EPB41L1: variants seen among roughly 807,000 people sequenced by gnomAD.
EPB41L1 encodes the protein band 4.1-like protein 1.
Under a neutral mutation model 97.8 loss-of-function variants are expected in EPB41L1, and 29 were observed. The observed-to-expected ratio is 0.30, with a 90% CI of 0.22 to 0.40. The LOEUF is 0.40. Ranked by LOEUF, EPB41L1 falls within the 10% of genes least tolerant of loss-of-function variation. The probability of loss-of-function intolerance (pLI) is 1.00; values close to 1 mark genes in which losing one functional copy is unlikely to be tolerated. For missense variants in EPB41L1, 812 were observed against 1,162.3 expected, an observed-to-expected ratio of 0.70 and a Z score of 4.38; for synonymous variants, 383 against 459.2, an observed-to-expected ratio of 0.83 and a Z score of 2.12.
At chr20:36,106,172 G>A (rs6060798) in intron 1 of EPB41L1, among the ~76,000 whole-genome samples, 7 of 152,210 alleles carry the variant, frequency 4.6e-5, no homozygotes, top group African/African-American at 1.7e-4. Context: ...GGGGAACTAA[G>A]GATGGTGCCA....
chr20:36,184,805 C>T (rs545651204), intron 6 of EPB41L1, among the ~76,000 whole-genome samples: 23 of 152,266 alleles, frequency 1.5e-4, no homozygotes, highest in South Asian at 1.2e-3. Flanking sequence ...TAAAACTATA[C>T]GACATTTTGT....
chr20:36,216,083 A>C (rs1053063382), intron 17 of EPB41L1, among the ~76,000 whole-genome samples: 2 of 152,168 alleles, frequency 1.3e-5, no homozygotes, highest in Non-Finnish European at 2.9e-5. Flanking sequence ...GGCGCATAAT[A>C]AGTGGCCTGA....
chr20:36,169,533 G>A (rs1255781986), intron 1 of EPB41L1, among the ~76,000 whole-genome samples: 1 of 152,132 alleles, frequency 6.6e-6, no homozygotes, highest in Non-Finnish European at 1.5e-5. Flanking sequence ...CTCCTCCCAA[G>A]CTCCAACCAG....
At chr20:36,228,863 T>C (rs1473839239) in intron 21 of EPB41L1, among the ~76,000 whole-genome samples, 2 of 151,634 alleles carry the variant, frequency 1.3e-5, no homozygotes, top group African/African-American at 4.8e-5. Context: ...GCTGACAAGA[T>C]AGGAAGAAAA....
intron 1 of EPB41L1, among the ~76,000 whole-genome samples, chr20:36,101,930 G>C (rs897753975): frequency 2.0e-5 from 3 of 151,988 alleles, no homozygotes; most frequent in African/African-American, 7.3e-5. Context: ...GCTTGAACCT[G>C]GGAGGCGGAG....
intron 1 of EPB41L1, among the ~76,000 whole-genome samples, chr20:36,103,998 C>A (rs991806721): frequency 6.6e-6 from 1 of 152,168 alleles, no homozygotes; most frequent in African/African-American, 2.4e-5. Context: ...GCCACCGCCC[C>A]GGCATTATTA....
chr20:36,154,423 CA>C (rs973946794), upstream of EPB41L1, among the ~76,000 whole-genome samples: 111 of 152,064 alleles, frequency 7.3e-4, 1 homozygote, highest in African/African-American at 2.5e-3. The surrounding 1 kb of genome is among the most constrained non-coding windows in gnomAD (Gnocchi z 5.5). Context: ...AGAGGCCCCC[CA>C]GCTGCACAGT....
rs1376281198 is a variant in EPB41L1 at position 36,154,843 on chromosome 20, C to G, written c.-68C>G. ...CCCCGCGGCCTGCCTGCCAGAGGAG[C>G]CGAGGGGGCCGCCCCTCGCCCAACC... On this transcript the variant is annotated 5_prime_UTR_variant, in exon 1 of 22. Coordinates refer to ENST00000338074, the MANE Select transcript of EPB41L1 (RefSeq NM_012156.2). The surrounding 1 kb of genome is among the most constrained non-coding windows in gnomAD (Gnocchi z 5.5). 5.9e-5 allele frequency: 59 copies of G among 1,000,514 alleles called. No homozygotes were observed. Among genetic ancestry groups the G allele is most frequent in the Non-Finnish European group, 7.0e-5 (59 of 839,368 alleles). The allele number at this position is 1,000,514 out of a possible 1,614,324, so 62.0% of individuals were successfully genotyped here. A position where few individuals can be genotyped will look rare whatever the true frequency, so the allele number is the denominator to read the frequency against.
At chr20:36,155,690 G>A in intron 1 of EPB41L1, 2 of 453,678 alleles carry the variant, frequency 4.4e-6, no homozygotes, top group Non-Finnish European at 8.9e-6. Context: ...GAGTTCTGGG[G>A]ATGCTGGTCT....
At position 36,111,803 on chromosome 20, in the gene EPB41L1, A is replaced by G. The variant is rs184191100; in HGVS notation, c.-64-623A>G. ...CTCTGTCTCAAAAAAAAAAAAAAAA[A>G]AGAGAAAAGAAAAGACTCCGAGGGA... On this transcript the variant is annotated intron_variant, in intron 1 of 19. Coordinates refer to the EPB41L1 transcript ENST00000202028. 2.4e-4 allele frequency among the ~76,000 whole-genome samples: 36 copies of G among 151,490 alleles called. 1 individual carries two copies. In the East Asian group the frequency reaches 4.1e-3, roughly 17 times the overall value.
chr20:36,127,358 C>G (rs1042090372), intron 2 of EPB41L1, among the ~76,000 whole-genome samples: 3 of 152,196 alleles, frequency 2.0e-5, no homozygotes, highest in Non-Finnish European at 4.4e-5. Flanking sequence ...CCCTGATTGG[C>G]TCCTGCTGGA....
At chr20:36,094,019 C>G (rs1029051165) in intron 1 of EPB41L1, among the ~76,000 whole-genome samples, 2 of 152,184 alleles carry the variant, frequency 1.3e-5, no homozygotes, top group East Asian at 3.9e-4. Context: ...CAGGAGACCT[C>G]TCTACTTTGA....
chr20:36,157,915 G>A (rs2060376405), intron 1 of EPB41L1, among the ~76,000 whole-genome samples: 1 of 152,210 alleles, frequency 6.6e-6, no homozygotes, highest in Admixed American at 6.5e-5. Flanking sequence ...GGCTGGCACT[G>A]CTTCCTTTGT....
intron 1 of EPB41L1, among the ~76,000 whole-genome samples, chr20:36,170,494 T>G (rs187947528): frequency 6.6e-6 from 1 of 152,324 alleles, no homozygotes; most frequent in African/African-American, 2.4e-5. Flanking sequence ...ATTTTTTACG[T>G]TTTTTTCCTT....
rs1482842944 is a variant in EPB41L1 at position 36,198,315 on chromosome 20, AG to A, written c.1668+278del. Among the ~76,000 whole-genome samples, 4 of 152,344 alleles carry A rather than the reference AG, an allele frequency of 2.6e-5. No individual in the cohort carries two copies. The South Asian group carries it at 8.3e-4, about 32-fold the overall frequency. On this transcript the variant is annotated intron_variant, in intron 14 of 21. Transcript: ENST00000338074. ...TCCATCAGCCCGAGTATAATGGGGA[AG>A]GGGTGCTGGTTAGAAATGCAGGTTT...
chr20:36,167,452 A>G (rs1425746210), intron 1 of EPB41L1, among the ~76,000 whole-genome samples: 1 of 152,116 alleles, frequency 6.6e-6, no homozygotes, highest in Non-Finnish European at 1.5e-5. Flanking sequence ...CACACCTGTA[A>G]TCCCAGCACT....
chr20:36,229,400 G>C lies in EPB41L1; in HGVS notation c.*60G>C, dbSNP rs1235694337. On this transcript the variant is annotated 3_prime_UTR_variant, in exon 22 of 22. Transcript: ENST00000338074. ...CCCAAGCCAGAGAACCATTAAGAAGGGGCCTTCATTCTGGATTCTCCGACG... is the reference window on the plus strand; with the variant it reads ...CCCAAGCCAGAGAACCATTAAGAAGCGGCCTTCATTCTGGATTCTCCGACG... 1 of 1,580,316 alleles carries C rather than the reference G, an allele frequency of 6.3e-7. No homozygotes were observed. The highest frequency in any genetic ancestry group is 1.3e-5 in the African/African-American group (1 of 74,094).
intron 2 of EPB41L1, among the ~76,000 whole-genome samples, chr20:36,128,436 A>G: frequency 6.6e-6 from 1 of 152,120 alleles, no homozygotes; most frequent in East Asian, 1.9e-4. Context: ...TGGATGGGGG[A>G]GGCTGTGTGT....
intron 2 of EPB41L1, chr20:36,125,598 A>G (rs2058932414): frequency 1.3e-5 from 19 of 1,519,434 alleles, no homozygotes; most frequent in Admixed American, 6.0e-5. Flanking sequence ...GCACAGAGGC[A>G]TGAAACACTT....
Sources: gnomAD v4.1 joint callset for allele counts (sites outside exome capture counted in the v4.1 genomes callset) on GRCh38, gnomAD v4.1.1 for gene constraint, Gnocchi (gnomAD v3.1) non-coding constraint, MANE v1.5 for transcripts, NCBI Gene and HGNC (gene_info 2026-07-23, HGNC 2026-07-21) for gene names.